Variants in MALRD1 observed in about 807,000 individuals in gnomAD.
MALRD1 encodes MAM and LDL receptor class A domain containing 1, also known as MAM and LDL-receptor class A domain-containing protein 1.
In MALRD1, 247 loss-of-function variants were observed where a neutral mutation model predicts 242.1. That is an observed-to-expected ratio of 1.02 (90% CI 0.92 to 1.13). The LOEUF (loss-of-function observed/expected upper bound fraction) is 1.13, where lower values mean the gene tolerates loss of function less well. Ranked by LOEUF, MALRD1 falls within the 50% of genes most tolerant of loss-of-function variation. MALRD1 has a pLI of 0.00. For missense variants in MALRD1, 2,989 were observed against 2,533.1 expected, an observed-to-expected ratio of 1.18 and a Z score of -3.86; for synonymous variants, 995 against 866.6, an observed-to-expected ratio of 1.15 and a Z score of -2.60.
chr10:19,318,062 T>C (rs1035380943), intron 21 of MALRD1, among the ~76,000 whole-genome samples: 4 of 152,060 alleles, frequency 2.6e-5, no homozygotes, highest in Non-Finnish European at 5.9e-5. Context: ...AGAGGGATGC[T>C]GATATTTTAT....
intron 8 of MALRD1, among the ~76,000 whole-genome samples, chr10:19,132,735 A>G (rs1833164381): frequency 6.6e-6 from 1 of 152,174 alleles, no homozygotes; most frequent in African/African-American, 2.4e-5. Flanking sequence ...TTTTTACCAT[A>G]TTGTTACCTA....
chr10:19,259,278 A>G (rs1479535797), intron 19 of MALRD1, among the ~76,000 whole-genome samples: 1 of 151,986 alleles, frequency 6.6e-6, no homozygotes, highest in East Asian at 1.9e-4. Flanking sequence ...ACTTTTCCCT[A>G]CTACAAAGGC....
chr10:19,653,961 T>C (rs1316472699), intron 36 of MALRD1, among the ~76,000 whole-genome samples: 1 of 152,198 alleles, frequency 6.6e-6, no homozygotes, highest in Non-Finnish European at 1.5e-5. Flanking sequence ...GTGCCACTAA[T>C]CACAAGCGTT....
chr10:19,284,137 T>C (rs1840972674), intron 21 of MALRD1, among the ~76,000 whole-genome samples: 1 of 152,210 alleles, frequency 6.6e-6, no homozygotes, highest in Non-Finnish European at 1.5e-5. Flanking sequence ...ACAAATGTAA[T>C]ATTTTTCTTT....
At chr10:19,142,171 CAAAAAAAAAAAA>C (rs529000033) in intron 10 of MALRD1, among the ~76,000 whole-genome samples, 1 of 26,268 alleles carries the variant, frequency 3.8e-5, no homozygotes, top group Non-Finnish European at 6.6e-5. Context: ...GACTCTAACT[CAAAAAAAAAAAA>C]AAAAAAAAAA....
intron 29 of MALRD1, among the ~76,000 whole-genome samples, chr10:19,472,161 G>A (rs1836528843): frequency 6.6e-6 from 1 of 151,944 alleles, no homozygotes; most frequent in African/African-American, 2.4e-5. Flanking sequence ...TGAAATGACT[G>A]TATGATTTTT....
At position 19,205,116 on chromosome 10, in the gene MALRD1, G is replaced by A. The variant is rs1042714539; in HGVS notation, c.2429G>A (p.Arg810Gln). ...YDGVSAIDDI[R>Q]FENCTLPLPA... ...GGGGTCTCAGCTATTGATGACATCC[G>A]ATTTGAAAATTGTACTCTCCCTCTT... is the stretch of plus-strand genomic sequence containing the variant. Residue 810 changes from arginine to glutamine, a missense_variant, in exon 17 of 40, where the codon CGA becomes CAA. Coordinates refer to ENST00000454679, the MANE Select transcript of MALRD1 (RefSeq NM_001142308.3). 2.6e-6 allele frequency: 4 copies of A among 1,550,534 alleles called. No individual in the cohort carries two copies. Among genetic ancestry groups the A allele is most frequent in the African/African-American group, 2.7e-5 (2 of 72,996 alleles).
intron 5 of MALRD1, among the ~76,000 whole-genome samples, chr10:19,106,110 G>T (rs1177048280): frequency 6.6e-6 from 1 of 151,780 alleles, no homozygotes; most frequent in African/African-American, 2.4e-5. Context: ...ATGTGAGTTT[G>T]TTACATGCAT....
At chr10:19,489,583 T>C (rs1454155452) in intron 29 of MALRD1, among the ~76,000 whole-genome samples, 1 of 152,074 alleles carries the variant, frequency 6.6e-6, no homozygotes, top group African/African-American at 2.4e-5. Context: ...TTTTAAGAGG[T>C]GAAATCATTC....
chr10:19,279,076 G>C (rs1840679730), intron 19 of MALRD1, among the ~76,000 whole-genome samples: 1 of 152,136 alleles, frequency 6.6e-6, no homozygotes. Context: ...AGGCTCCAGA[G>C]TTGGCCAGTC....
chr10:19,407,503 A>G (rs1434036590), intron 28 of MALRD1, among the ~76,000 whole-genome samples: 1 of 152,038 alleles, frequency 6.6e-6, no homozygotes, highest in Non-Finnish European at 1.5e-5. Flanking sequence ...AAAAATAAAA[A>G]TAAAAAATAA....
At chr10:19,629,953 A>G (rs1839833155) in intron 36 of MALRD1, among the ~76,000 whole-genome samples, 1 of 152,194 alleles carries the variant, frequency 6.6e-6, no homozygotes, top group South Asian at 2.1e-4. Context: ...CAAATGAGGT[A>G]GAACTTTTTG....
intron 21 of MALRD1, among the ~76,000 whole-genome samples, chr10:19,318,346 A>G (rs904466856): frequency 2.0e-5 from 3 of 151,676 alleles, no homozygotes; most frequent in African/African-American, 7.3e-5. Context: ...TTTCAAATTG[A>G]TCTCCTGACA....
chr10:19,283,929 G>C (rs1181105195), intron 21 of MALRD1, among the ~76,000 whole-genome samples: 1 of 152,182 alleles, frequency 6.6e-6, no homozygotes, highest in African/African-American at 2.4e-5. Context: ...GCTCTCATTA[G>C]GGAGACAGGC....
chr10:19,723,598 C>T (rs992144589), intron 38 of MALRD1, among the ~76,000 whole-genome samples: 9 of 152,042 alleles, frequency 5.9e-5, no homozygotes, highest in South Asian at 2.1e-4. Flanking sequence ...AAAAATTAGC[C>T]GGGTGTGTTG....
intron 36 of MALRD1, among the ~76,000 whole-genome samples, chr10:19,653,202 A>AT (rs1371362986): frequency 2.0e-5 from 3 of 150,532 alleles, no homozygotes; most frequent in Admixed American, 6.6e-5. Context: ...TTTTATTATT[A>AT]TTATTTTTTT....
At chr10:19,615,702 A>G (rs541777589) in intron 35 of MALRD1, among the ~76,000 whole-genome samples, 155 bp from the exon 36 acceptor site, 1 of 151,972 alleles carries the variant, frequency 6.6e-6, no homozygotes, top group Non-Finnish European at 1.5e-5. Flanking sequence ...AAGAGAGTAC[A>G]GGAAAGTAGC....
chr10:19,692,586 A>G lies in MALRD1; in HGVS notation c.6314+32A>G, dbSNP rs1242984793. On this transcript the variant is annotated intron_variant, in intron 38 of 39. Transcript: ENST00000454679. The stretch of plus-strand genomic sequence containing the variant: ...GATGCCTTTAGTTGCTAAATGAAAT[A>G]TACCGTAGCAGAAAAATTTTCTTCA... 5 of 1,482,192 alleles carry G rather than the reference A, an allele frequency of 3.4e-6. No individual in the cohort carries two copies. The Admixed American group carries it at 1.0e-4, about 31-fold the overall frequency. 91.8% of individuals were successfully genotyped at this position (1,482,192 alleles called of 1,614,324 possible).
chr10:19,545,860 A>G (rs1812457343), intron 32 of MALRD1, among the ~76,000 whole-genome samples: 2 of 152,038 alleles, frequency 1.3e-5, no homozygotes, highest in African/African-American at 2.4e-5. Context: ...CAGTTTTCCT[A>G]TTCACCTTTT....
Sources: allele counts gnomAD v4.1 joint callset (sites outside exome capture counted in the v4.1 genomes callset), GRCh38; gene constraint gnomAD v4.1.1; transcripts MANE v1.5; gene names NCBI Gene and HGNC (gene_info 2026-07-23, HGNC 2026-07-21).